Variants in EBF1 observed in about 807,000 individuals in gnomAD.
The protein encoded by EBF1 is EBF transcription factor 1.
EBF1 carries 10 observed loss-of-function variants against 68.4 expected under a neutral mutation model. That is an observed-to-expected ratio of 0.15 (90% CI 0.09 to 0.25). The LOEUF (loss-of-function observed/expected upper bound fraction) is 0.25. Among genes scored for constraint, EBF1 ranks in the 10% least tolerant of loss-of-function variants. The pLI, the probability that EBF1 is intolerant of heterozygous loss-of-function variation, is 1.00. For missense variants in EBF1, 509 were observed against 794.4 expected, an observed-to-expected ratio of 0.64 and a Z score of 4.32; for synonymous variants, 298 against 299.8, an observed-to-expected ratio of 0.99 and a Z score of 0.06.
rs138016776 is a variant in EBF1, at chr5:158,892,414, G to A, written c.555-52304C>T. Among the ~76,000 whole-genome samples the A allele has an allele frequency of 1.4e-3, 211 of 152,216 alleles. 2 individuals are homozygous for A. The highest frequency in any genetic ancestry group is 2.0e-3 in the Admixed American group (30 of 15,284). ...TGAGGGAGGAGAATTGCTTGAACCC[G>A]GGAGGCGGAGGCTTCAGGGAGCCAA... On this transcript the variant is annotated intron_variant, in intron 6 of 15. Transcript: ENST00000313708.
rs1782598620 is a variant in EBF1 at position 159,096,323 on chromosome 5, A to C, written c.355+20T>G. On this transcript the variant is annotated intron_variant, in intron 3 of 15. Transcript: ENST00000313708. ...ACCCGGAGCCCCAGGGTGAGGCCAT[A>C]GACCCGACCCGGGCCTCACCATTGC... 2 of 1,611,066 alleles carry C rather than the reference A, an allele frequency of 1.2e-6. No homozygotes were observed. The highest frequency in any genetic ancestry group is 2.2e-5 in the South Asian group (2 of 90,510).
At chr5:158,820,917 C>T (rs1268668926) in intron 8 of EBF1, among the ~76,000 whole-genome samples, 1 of 152,152 alleles carries the variant, frequency 6.6e-6, no homozygotes, top group Non-Finnish European at 1.5e-5. Context: ...TCCTAAGTGG[C>T]TTTTTTCCCC....
intron 10 of EBF1, among the ~76,000 whole-genome samples, chr5:158,768,603 G>A (rs1773245737): frequency 6.6e-6 from 1 of 152,022 alleles, no homozygotes; most frequent in African/African-American, 2.4e-5. Flanking sequence ...TTGCAGTAAA[G>A]AATGAAAAAC....
chr5:158,868,950 T>C (rs1282878848), intron 6 of EBF1, among the ~76,000 whole-genome samples: 1 of 152,212 alleles, frequency 6.6e-6, no homozygotes, highest in Non-Finnish European at 1.5e-5. Context: ...GGAGGTTTCA[T>C]GTTCTCTTGA....
chr5:158,902,829 G>A (rs1156382519), intron 6 of EBF1, among the ~76,000 whole-genome samples: 1 of 152,084 alleles, frequency 6.6e-6, no homozygotes, highest in Non-Finnish European at 1.5e-5. Context: ...ATAGAAAAGA[G>A]CAGGCAAGGG....
chr5:158,937,896 T>C (rs1359197922), intron 6 of EBF1, among the ~76,000 whole-genome samples: 1 of 152,170 alleles, frequency 6.6e-6, no homozygotes, highest in Non-Finnish European at 1.5e-5. Context: ...TTGGCCATTG[T>C]GCTTTCTCAA....
At chr5:158,768,974 C>T (rs1773335293) in intron 10 of EBF1, among the ~76,000 whole-genome samples, 1 of 152,154 alleles carries the variant, frequency 6.6e-6, no homozygotes, top group South Asian at 2.1e-4. Context: ...TGTTGCATTA[C>T]ATTGGCAAGA....
intron 6 of EBF1, among the ~76,000 whole-genome samples, chr5:158,875,436 G>A (rs887912286): frequency 4.6e-5 from 7 of 152,210 alleles, no homozygotes; most frequent in East Asian, 1.9e-4. Context: ...CTTCCTATCC[G>A]AAAACTTCCC....
rs1781194142 is a variant in EBF1 at position 159,089,093 on chromosome 5, A to G, written c.412-4354T>C. Among the ~76,000 whole-genome samples the G allele has an allele frequency of 7.9e-5, 12 of 152,254 alleles. No homozygotes were observed. In the South Asian group the frequency reaches 2.5e-3, roughly 32 times the overall value. ...AACAGATTTATTTTTGTGATATACT[A>G]GCCTACCTTTTCTGCTGTCATACTC... On this transcript the variant is annotated intron_variant, in intron 4 of 15. Coordinates refer to ENST00000313708, the MANE Select transcript of EBF1 (RefSeq NM_024007.5).
chr5:158,705,036 T>C (rs555040983), intron 15 of EBF1, among the ~76,000 whole-genome samples: 10 of 152,324 alleles, frequency 6.6e-5, no homozygotes, highest in Admixed American at 2.6e-4. Context: ...TGCTCTGGAG[T>C]GCAGTGGCAC....
chr5:159,096,643 A>G (rs1782661858), intron 2 of EBF1: 3 of 615,120 alleles, frequency 4.9e-6, no homozygotes, highest in Non-Finnish European at 8.6e-6. Context: ...TCCTCTTTCC[A>G]GGGCCTAGGG....
intron 6 of EBF1, among the ~76,000 whole-genome samples, chr5:158,857,087 C>T (rs1290273400): frequency 6.6e-6 from 1 of 152,146 alleles, no homozygotes; most frequent in African/African-American, 2.4e-5. Flanking sequence ...GCCTCCTACT[C>T]TCTGCCACAG....
At chr5:158,735,109 C>T (rs1764902607) in intron 10 of EBF1, among the ~76,000 whole-genome samples, 1 of 152,138 alleles carries the variant, frequency 6.6e-6, no homozygotes, top group African/African-American at 2.4e-5. Flanking sequence ...TAGGAATGAA[C>T]TGTTTAGTGT....
At chr5:158,766,359 T>TA (rs1390674912) in intron 10 of EBF1, among the ~76,000 whole-genome samples, 2 of 152,174 alleles carry the variant, frequency 1.3e-5, no homozygotes, top group African/African-American at 4.8e-5. Context: ...TTGATTTTTT[T>TA]AAAACAACTG....
Position 158,697,463 on chromosome 5 carries a change from C to T in EBF1, c.*1648G>A, listed in dbSNP as rs1026989530. On this transcript the variant is annotated 3_prime_UTR_variant, in exon 16 of 16. Transcript: ENST00000313708. ...ACAAGTGTAGGTGACCAAACAAATACGCACTTTTCACGTAGCAAACATACA... is the reference window on the plus strand; with the variant it reads ...ACAAGTGTAGGTGACCAAACAAATATGCACTTTTCACGTAGCAAACATACA... The T allele has an allele frequency of 8.6e-5, 18 of 209,648 alleles. No individual in the cohort carries two copies. The highest frequency in any genetic ancestry group is 1.9e-4 in the South Asian group (1 of 5,306). 13.0% of individuals were successfully genotyped at this position (209,648 alleles called of 1,614,324 possible). A position where few individuals can be genotyped will look rare whatever the true frequency, so the allele number is the denominator to read the frequency against.
At chr5:158,830,884 T>C (rs1463170088) in intron 7 of EBF1, among the ~76,000 whole-genome samples, 1 of 151,488 alleles carries the variant, frequency 6.6e-6, no homozygotes, top group Non-Finnish European at 1.5e-5. Flanking sequence ...AGTAAAGGAG[T>C]GGTTAATGGA....
At chr5:158,901,690 T>C (rs1441559749) in intron 6 of EBF1, among the ~76,000 whole-genome samples, 8 of 152,338 alleles carry the variant, frequency 5.3e-5, no homozygotes, top group Middle Eastern at 6.8e-3. Context: ...TTATATGAAG[T>C]AGGTATTCTT....
At chr5:158,900,658 C>G (rs897628137) in intron 6 of EBF1, among the ~76,000 whole-genome samples, 3 of 152,294 alleles carry the variant, frequency 2.0e-5, no homozygotes, top group East Asian at 1.9e-4. Context: ...CAGCTATTCC[C>G]AAATTTTGAT....
At chr5:158,931,060 G>A (rs1248285639) in intron 6 of EBF1, among the ~76,000 whole-genome samples, 1 of 152,240 alleles carries the variant, frequency 6.6e-6, no homozygotes, top group Non-Finnish European at 1.5e-5. Flanking sequence ...CGATGGAAAT[G>A]ATGATGCTGT....
Sources: gnomAD v4.1 joint callset for allele counts (sites outside exome capture counted in the v4.1 genomes callset) on GRCh38, gnomAD v4.1.1 for gene constraint, MANE v1.5 for transcripts, NCBI Gene and HGNC (gene_info 2026-07-23, HGNC 2026-07-21) for gene names.